GRIP1: variants seen among roughly 807,000 people sequenced by gnomAD.
GRIP1 encodes the protein glutamate receptor-interacting protein 1.
GRIP1 carries 45 observed loss-of-function variants against 129.9 expected under a neutral mutation model. The observed-to-expected ratio is 0.35, with a 90% CI of 0.27 to 0.44. The LOEUF (loss-of-function observed/expected upper bound fraction) is 0.44, where lower values mean the gene tolerates loss of function less well. Ranked by LOEUF, GRIP1 falls within the 20% of genes least tolerant of loss-of-function variation. The pLI is 1.00. For synonymous variants in GRIP1, 530 were observed against 520.8 expected (o/e 1.02, Z -0.24); for missense variants, 1,196 against 1,396.8 (o/e 0.86, Z 2.29).
upstream of GRIP1, among the ~76,000 whole-genome samples, chr12:66,682,665 T>C: frequency 6.6e-6 from 1 of 152,118 alleles, no homozygotes; most frequent in African/African-American, 2.4e-5. Context: ...ATCCCAAAAA[T>C]AAATAGCGCT....
At chr12:66,995,454 T>C (rs936569860) in intron 1 of GRIP1, among the ~76,000 whole-genome samples, 1 of 152,060 alleles carries the variant, frequency 6.6e-6, no homozygotes, top group Non-Finnish European at 1.5e-5. Flanking sequence ...ATATCTGATA[T>C]TGGACTTATA....
chr12:66,589,224 C>CTG (rs1391753312), intron 2 of GRIP1, among the ~76,000 whole-genome samples: 4 of 145,392 alleles, frequency 2.8e-5, no homozygotes, highest in Non-Finnish European at 4.5e-5. Context: ...CTCTCTCTCT[C>CTG]TCTGTCTGTC....
chr12:67,000,220 G>T (rs904721993), intron 1 of GRIP1, among the ~76,000 whole-genome samples: 3 of 152,014 alleles, frequency 2.0e-5, no homozygotes, highest in South Asian at 2.1e-4. Context: ...AAGTACTACA[G>T]GGCAAAAGGA....
At chr12:66,986,866 TAAAATAAAAATA>T (rs912663980) in intron 1 of GRIP1, among the ~76,000 whole-genome samples, 3 of 48,422 alleles carry the variant, frequency 6.2e-5, no homozygotes, top group South Asian at 8.2e-4. Context: ...TTTAAAAAAA[TAAAATAAAAATA>T]AAAATAAAAA....
intron 1 of GRIP1, among the ~76,000 whole-genome samples, chr12:66,643,984 T>C (rs999963003): frequency 2.0e-5 from 3 of 152,198 alleles, no homozygotes; most frequent in Non-Finnish European, 4.4e-5. Flanking sequence ...TAATTGGACT[T>C]ACGGTCCCAT....
rs555369110 is a variant in GRIP1 at position 66,816,486 on chromosome 12, A to G, written c.59-219559T>C. Among the ~76,000 whole-genome samples the G allele has an allele frequency of 2.6e-5, 4 of 152,330 alleles. No homozygotes were observed. In the South Asian group the frequency reaches 6.2e-4, roughly 24 times the overall value. ...CTCACAACAACCTAGTAAGGTAACC[A>G]TAATAATCTCATTTTACAGGTGCTG... On this transcript the variant is annotated intron_variant, in intron 1 of 1. Coordinates refer to the GRIP1 transcript ENST00000643019.
intron 13 of GRIP1, among the ~76,000 whole-genome samples, chr12:66,443,168 C>T (rs1308600469): frequency 6.6e-6 from 1 of 152,214 alleles, no homozygotes; most frequent in African/African-American, 2.4e-5. Context: ...CTGCCTGTAA[C>T]CAAACTTTAG....
intron 1 of GRIP1, among the ~76,000 whole-genome samples, chr12:66,930,057 T>C (rs200134049): frequency 3.0e-4 from 22 of 73,244 alleles, no homozygotes; most frequent in South Asian, 1.2e-3. Context: ...CTCTCTCTCT[T>C]TTTTTTTTTT....
At chr12:67,052,809 G>A (rs914305114) in intron 1 of GRIP1, among the ~76,000 whole-genome samples, 4 of 151,820 alleles carry the variant, frequency 2.6e-5, no homozygotes, top group Non-Finnish European at 5.9e-5. Context: ...AGGGAGGAAG[G>A]AAATCTTTAC....
chr12:66,968,211 T>A (rs556217221), intron 1 of GRIP1, among the ~76,000 whole-genome samples: 1 of 152,204 alleles, frequency 6.6e-6, no homozygotes, highest in Admixed American at 6.5e-5. Context: ...TATTTATCCC[T>A]GATAATTTCC....
At chr12:66,790,367 G>A (rs543923473) in intron 1 of GRIP1, among the ~76,000 whole-genome samples, 1 of 152,206 alleles carries the variant, frequency 6.6e-6, no homozygotes, top group South Asian at 2.1e-4. Context: ...TAGCCTTGAG[G>A]CATCGTAAAC....
At position 66,392,341 on chromosome 12, in the gene GRIP1, C is replaced by T; in HGVS notation, c.2431G>A (p.Gly811Arg). The T allele has an allele frequency of 6.2e-7, 1 of 1,612,870 alleles. No individual in the cohort carries two copies. Among genetic ancestry groups the T allele is most frequent in the Non-Finnish European group, 8.5e-7 (1 of 1,178,904 alleles). ...SVDSAVDSWD[G>R]SAIDTSYGTQ... Reference sequence around the variant, plus strand: ...CCATAGCTGGTGTCTATTGCAGACCCATCCCATGAATCCACAGCACTGTCC... The same window carrying T: ...CCATAGCTGGTGTCTATTGCAGACCTATCCCATGAATCCACAGCACTGTCC... The change falls in exon 19 of 25, where the codon GGG becomes AGG. Residue 811 changes from glycine to arginine, a missense_variant. Transcript: ENST00000359742.
chr12:66,879,339 G>T (rs1196108851), intron 1 of GRIP1, among the ~76,000 whole-genome samples: 1 of 151,996 alleles, frequency 6.6e-6, no homozygotes, highest in African/African-American at 2.4e-5. Context: ...CATACCAGGT[G>T]CTTAGTGCTA....
chr12:66,439,124 G>T (rs1037952464), intron 13 of GRIP1, among the ~76,000 whole-genome samples: 1 of 152,188 alleles, frequency 6.6e-6, no homozygotes, highest in African/African-American at 2.4e-5. Context: ...AGCTTCTTCT[G>T]TGGAATTGTG....
chr12:66,903,371 G>A (rs868521014), intron 1 of GRIP1, among the ~76,000 whole-genome samples: 2 of 148,654 alleles, frequency 1.3e-5, no homozygotes, highest in African/African-American at 5.0e-5. Flanking sequence ...CCCATTAAAT[G>A]TTTTGTATAA....
At chr12:67,026,674 C>T (rs1422166651) in intron 1 of GRIP1, among the ~76,000 whole-genome samples, 1 of 152,118 alleles carries the variant, frequency 6.6e-6, no homozygotes, top group Non-Finnish European at 1.5e-5. Flanking sequence ...GTTAACATGC[C>T]CTCAAGTGCT....
At chr12:66,895,073 T>C (rs2040723319) in intron 1 of GRIP1, among the ~76,000 whole-genome samples, 1 of 152,156 alleles carries the variant, frequency 6.6e-6, no homozygotes, top group Non-Finnish European at 1.5e-5. Flanking sequence ...ATGTGCCAGA[T>C]TGTCAGCCTC....
At chr12:66,384,140 G>T (rs2056249332) in intron 19 of GRIP1, among the ~76,000 whole-genome samples, 1 of 152,168 alleles carries the variant, frequency 6.6e-6, no homozygotes. Flanking sequence ...TAATCTCATT[G>T]ATTGGTAACC....
chr12:66,590,910 T>C (rs2063828589), intron 2 of GRIP1, among the ~76,000 whole-genome samples: 1 of 152,080 alleles, frequency 6.6e-6, no homozygotes, highest in Admixed American at 6.6e-5. Context: ...CTTGTTGCAC[T>C]TTTTTTTGTA....
Sources: gnomAD v4.1 joint callset for allele counts (sites outside exome capture counted in the v4.1 genomes callset) on GRCh38, gnomAD v4.1.1 for gene constraint, MANE v1.5 for transcripts, NCBI Gene and HGNC (gene_info 2026-07-23, HGNC 2026-07-21) for gene names.